XIRP2: variants seen among roughly 807,000 people sequenced by gnomAD.
XIRP2 encodes the protein xin actin-binding repeat-containing protein 2.
In XIRP2, 236 loss-of-function variants were observed where a neutral mutation model predicts 277.0. The observed-to-expected ratio is 0.85, with a 90% CI of 0.77 to 0.95. XIRP2 has a LOEUF of 0.95. XIRP2 is among the 40% of genes least tolerant of loss of function. The pLI is 0.00. For missense variants in XIRP2, 4,640 were observed against 4,157.5 expected, an observed-to-expected ratio of 1.12 and a Z score of -3.19; for synonymous variants, 1,490 against 1,416.5, an observed-to-expected ratio of 1.05 and a Z score of -1.17.
intron 2 of XIRP2, among the ~76,000 whole-genome samples, chr2:167,054,942 C>G (rs1359732730): frequency 2.6e-5 from 4 of 152,140 alleles, no homozygotes; most frequent in Non-Finnish European, 2.9e-5. Context: ...ACAAGCCACT[C>G]CAAAACTTAG....
chr2:166,901,393 T>C (rs897623167), intron 1 of XIRP2, among the ~76,000 whole-genome samples: 5 of 152,208 alleles, frequency 3.3e-5, no homozygotes, highest in South Asian at 4.1e-4. Flanking sequence ...TTAGCTGTAT[T>C]TAGTAGGAGA....
chr2:167,142,007 G>A (rs1691734801), intron 3 of XIRP2, among the ~76,000 whole-genome samples: 1 of 152,156 alleles, frequency 6.6e-6, no homozygotes, highest in Non-Finnish European at 1.5e-5. Context: ...GCAGTCACTT[G>A]AAGATAGAGG....
intron 2 of XIRP2, among the ~76,000 whole-genome samples, chr2:166,944,892 C>T (rs984752889): frequency 2.6e-5 from 4 of 152,020 alleles, no homozygotes; most frequent in East Asian, 3.9e-4. Flanking sequence ...GATCATGTAC[C>T]GAATCTTCAG....
intron 3 of XIRP2, among the ~76,000 whole-genome samples, chr2:167,180,728 C>T (rs1468742928): frequency 6.6e-6 from 1 of 152,106 alleles, no homozygotes; most frequent in African/African-American, 2.4e-5. Context: ...CTGTCCCTTA[C>T]CATTGTTGAG....
intron 2 of XIRP2, among the ~76,000 whole-genome samples, chr2:167,083,779 T>C (rs1165528838): frequency 6.6e-6 from 1 of 152,162 alleles, no homozygotes; most frequent in Non-Finnish European, 1.5e-5. Flanking sequence ...GTGATTTTTG[T>C]GCATTGATTT....
chr2:167,045,065 T>A (rs1688755272), intron 2 of XIRP2, among the ~76,000 whole-genome samples: 1 of 151,642 alleles, frequency 6.6e-6, no homozygotes, highest in Non-Finnish European at 1.5e-5. Context: ...GGTGGACCAA[T>A]GGAACATGTT....
At chr2:167,158,891 C>T (rs935073704) in intron 3 of XIRP2, among the ~76,000 whole-genome samples, 8 of 152,056 alleles carry the variant, frequency 5.3e-5, no homozygotes, top group African/African-American at 1.4e-4. Context: ...GAGTAATAGA[C>T]GATTGGCTAC....
chr2:167,170,865 A>G (rs1295738325), intron 3 of XIRP2, among the ~76,000 whole-genome samples: 1 of 148,304 alleles, frequency 6.7e-6, no homozygotes, highest in Admixed American at 6.7e-5. Context: ...TTCAGCTGCT[A>G]AGGTAAAACT....
chr2:166,994,508 A>T (rs1687153070), intron 2 of XIRP2, among the ~76,000 whole-genome samples: 1 of 147,222 alleles, frequency 6.8e-6, no homozygotes, highest in East Asian at 2.3e-4. Context: ...AAAAAAAAAA[A>T]ATTTGAAGGC....
At chr2:167,216,846 C>T (rs1042471548) in intron 4 of XIRP2, among the ~76,000 whole-genome samples, 17 of 121,950 alleles carry the variant, frequency 1.4e-4, no homozygotes, top group Admixed American at 2.3e-4. Flanking sequence ...ATGTTTATTG[C>T]GGCATTATTC....
intron 2 of XIRP2, among the ~76,000 whole-genome samples, chr2:166,954,540 C>T (rs966876650): frequency 6.6e-6 from 1 of 151,798 alleles, no homozygotes; most frequent in Non-Finnish European, 1.5e-5. Flanking sequence ...ACCAGAAATA[C>T]CATTGGACCC....
chr2:166,937,782 T>C (rs1685562712), intron 2 of XIRP2, among the ~76,000 whole-genome samples: 1 of 152,210 alleles, frequency 6.6e-6, no homozygotes, highest in South Asian at 2.1e-4. Context: ...AGCCTGTTAT[T>C]GGTCCATTCA....
Position 167,218,227 on chromosome 2 carries a change from T to C in XIRP2, c.785T>C (p.Phe262Ser), listed in dbSNP as rs1239326165. Residue 262 changes from phenylalanine to serine, a missense_variant, in exon 5 of 11, where the codon TTT (phenylalanine) becomes TCT (serine). Phe to Ser is a radical substitution (Grantham distance 155). Coordinates refer to ENST00000409195, the MANE Select transcript of XIRP2 (RefSeq NM_152381.6). ...GGTTTGGCCAAGGTGAAGAAACAAT[T>C]TGAGGACGAAATTACTTCTTCCCGT... ...PGGLAKVKKQFEDEITSSRNT... is the reference protein window; with the variant it reads ...PGGLAKVKKQSEDEITSSRNT... 1.2e-6 allele frequency: 2 copies of C among 1,608,818 alleles called. No homozygotes were observed. The highest frequency in any genetic ancestry group is 1.7e-6 in the Non-Finnish European group (2 of 1,177,674).
chr2:167,060,003 A>G (rs1284351837), intron 2 of XIRP2, among the ~76,000 whole-genome samples: 2 of 152,180 alleles, frequency 1.3e-5, no homozygotes, highest in East Asian at 1.9e-4. Context: ...GACATCTTAG[A>G]TCATCCTGGC....
intron 2 of XIRP2, among the ~76,000 whole-genome samples, chr2:166,939,612 G>A (rs1381336504): frequency 6.8e-6 from 1 of 147,442 alleles, no homozygotes. Flanking sequence ...CCCAGGAGGT[G>A]GAGCTTTCAG....
At chr2:167,125,795 T>C (rs1390162529) in intron 2 of XIRP2, among the ~76,000 whole-genome samples, 3 of 152,190 alleles carry the variant, frequency 2.0e-5, no homozygotes, top group Non-Finnish European at 1.5e-5. Flanking sequence ...TTTAATGCAG[T>C]TTGTTTTAAT....
chr2:167,222,244 C>T (rs557557703), intron 5 of XIRP2, among the ~76,000 whole-genome samples: 3 of 152,252 alleles, frequency 2.0e-5, no homozygotes, highest in East Asian at 1.9e-4. Context: ...TCTAGACTTG[C>T]CATGCTTTTA....
chr2:167,022,365 A>G (rs1233810503), intron 2 of XIRP2, among the ~76,000 whole-genome samples: 1 of 152,126 alleles, frequency 6.6e-6, no homozygotes, highest in African/African-American at 2.4e-5. Flanking sequence ...GATTTTCTAA[A>G]TGTTGTTGGA....
intron 4 of XIRP2, 93 bp from the exon 5 acceptor site, chr2:167,218,073 T>A: frequency 9.1e-7 from 1 of 1,103,252 alleles, no homozygotes; most frequent in East Asian, 2.7e-5. Context: ...AGATACTGTC[T>A]ATCAATAAAT....
Sources: allele counts gnomAD v4.1 joint callset (sites outside exome capture counted in the v4.1 genomes callset), GRCh38; gene constraint gnomAD v4.1.1; transcripts MANE v1.5; gene names NCBI Gene and HGNC (gene_info 2026-07-23, HGNC 2026-07-21).